The following CHD3 variants were observed in gnomAD, a reference collection of about 807,000 sequenced individuals.
CHD3 encodes chromodomain helicase DNA binding protein 3.
CHD3 carries 52 observed loss-of-function variants against 248.9 expected under a neutral mutation model. The observed-to-expected ratio is 0.21, with a 90% CI of 0.17 to 0.26. The LOEUF is 0.26. CHD3 is among the 10% of genes least tolerant of loss of function. The pLI, the probability that CHD3 is intolerant of heterozygous loss-of-function variation, is 1.00. For missense variants in CHD3, 1,482 were observed against 2,605.8 expected (o/e 0.57, Z 9.39); for synonymous variants, 985 against 985.2 (o/e 1.00, Z 0.00).
At position 7,889,772 on chromosome 17, in the gene CHD3, A is replaced by C. The variant is rs1567833092; in HGVS notation, c.209A>C (p.Lys70Thr). 1 of 1,609,504 alleles carries C rather than the reference A, an allele frequency of 6.2e-7. No homozygotes were observed. Among genetic ancestry groups the C allele is most frequent in the African/African-American group, 1.3e-5 (1 of 74,756 alleles). Residue 70 changes from lysine to threonine, a missense_variant, in exon 2 of 40, where the codon AAG (lysine) becomes ACG (threonine). Lys to Thr is a moderately conservative substitution (Grantham distance 78). Coordinates refer to ENST00000330494, the MANE Select transcript of CHD3 (RefSeq NM_001005273.3). This position sits in a 1 kb window ranked among gnomAD's most constrained non-coding sequence, Gnocchi z 4.5. Reference protein sequence around the residue: ...NKPGKPRKRKKRDSEEEFGSE... With the variant: ...NKPGKPRKRKTRDSEEEFGSE... ...CCAGGAAAACCCCGAAAACGCAAGA[A>C]GCGTGTAAGTGTCAAGAATTCCTAA...
Position 7,910,654 on chromosome 17 carries a change from C to G in CHD3, c.5754+63C>G, listed in dbSNP as rs1971537999. ...TGTGTTCCTCCTGCACACATACAAACACTTCCATCAGAATCCTATACAATA... is the reference window on the plus strand; with the variant it reads ...TGTGTTCCTCCTGCACACATACAAAGACTTCCATCAGAATCCTATACAATA... On this transcript the variant is annotated intron_variant, in intron 38 of 39. Coordinates refer to ENST00000330494, the MANE Select transcript of CHD3 (RefSeq NM_001005273.3). This position sits in a 1 kb window ranked among gnomAD's most constrained non-coding sequence, Gnocchi z 4.7. 1.3e-6 allele frequency: 2 copies of G among 1,555,398 alleles called. No individual in the cohort carries two copies. Among genetic ancestry groups the G allele is most frequent in the African/African-American group, 2.7e-5 (2 of 73,692 alleles).
chr17:7,903,069 C>T lies in CHD3; in HGVS notation c.3495+8C>T, dbSNP rs1320903510. The T allele has an allele frequency of 1.9e-6, 3 of 1,612,210 alleles. No homozygotes were observed. The South Asian group carries it at 3.3e-5, about 18-fold the overall frequency. ...CCCCATAATGACATCCAGGTGGGAA[C>T]TCGCATCCTAGAACCCCTGCACCAT... On this transcript the variant is annotated splice_region_variant and intron_variant, in intron 22 of 39. Coordinates refer to ENST00000330494, the MANE Select transcript of CHD3 (RefSeq NM_001005273.3). The surrounding 1 kb of genome is among the most constrained non-coding windows in gnomAD (Gnocchi z 6.8).
chr17:7,893,543 G>A lies in CHD3; in HGVS notation c.767G>A (p.Arg256Gln). 1 of 1,277,814 alleles carries A rather than the reference G, an allele frequency of 7.8e-7. No individual in the cohort carries two copies. The highest frequency in any genetic ancestry group is 1.0e-6 in the Non-Finnish European group (1 of 959,504). 79.2% of individuals were successfully genotyped at this position (1,277,814 alleles called of 1,614,324 possible). The change falls in exon 5 of 40, where the codon CGA (arginine) becomes CAA (glutamine). Residue 256 changes from arginine to glutamine, a missense_variant. Physicochemically the swap from Arg to Gln is conservative, Grantham distance 43. Transcript: ENST00000330494. ...PAADIQPPPI[R>Q]RAKTKEGKGP... The stretch of plus-strand genomic sequence containing the variant: ...GCTGATATCCAGCCCCCACCCATCC[G>A]AAGAGCCAAAACCAAAGAGGGCAAA...
intron 20 of CHD3, among the ~76,000 whole-genome samples, chr17:7,902,293 A>G (rs1310890841): frequency 6.6e-6 from 1 of 151,998 alleles, no homozygotes; most frequent in Non-Finnish European, 1.5e-5. Flanking sequence ...GTGGTGGCGC[A>G]CACCTGTAGT....
upstream of CHD3, chr17:7,885,346 A>G (rs537864700): frequency 7.9e-3 from 979 of 123,466 alleles, 9 homozygotes; most frequent in African/African-American, 0.024. Flanking sequence ...CGCCGCCGCC[A>G]CCCCGGCTGG....
At position 7,904,056 on chromosome 17, in the gene CHD3, C is replaced by A; in HGVS notation, c.3894+65C>A. 1.3e-6 allele frequency: 2 copies of A among 1,551,958 alleles called. No individual in the cohort carries two copies. The highest frequency in any genetic ancestry group is 1.8e-6 in the Non-Finnish European group (2 of 1,135,048). ...CATCTCCAAAAGGCAGTATCCTTTA[C>A]TCAGCCTTGAAGTAGGAGGGTCTGT... On this transcript the variant is annotated intron_variant, in intron 24 of 39. Coordinates refer to ENST00000330494, the MANE Select transcript of CHD3 (RefSeq NM_001005273.3). The surrounding 1 kb of genome is among the most constrained non-coding windows in gnomAD (Gnocchi z 4.4).
In CHD3 at chr17:7,911,379, C is replaced by G. The variant is rs1971637264; in HGVS notation, c.5882-85C>G. ...ACAACGGGAAGTGGCAGGAGGTGAC[C>G]TAGAAGTGAGAATTCACCATTGTCA... On this transcript the variant is annotated intron_variant, in intron 39 of 39. Transcript: ENST00000330494. The surrounding 1 kb of genome is among the most constrained non-coding windows in gnomAD (Gnocchi z 5.4). 1.2e-6 allele frequency: 2 copies of G among 1,603,808 alleles called. No individual in the cohort carries two copies. The highest frequency in any genetic ancestry group is 4.5e-5 in the East Asian group (2 of 44,796).
Position 7,906,985 on chromosome 17 carries a change from C to G in CHD3, c.4620C>G (p.Thr1540=), listed in dbSNP as rs1302600191. 1.2e-6 allele frequency: 2 copies of G among 1,614,192 alleles called. No homozygotes were observed. Among genetic ancestry groups the G allele is most frequent in the African/African-American group, 1.3e-5 (1 of 75,060 alleles). Residue 1540 remains threonine (T), a synonymous_variant, in exon 30 of 40, where the codon ACC becomes ACG. Coordinates refer to ENST00000330494, the MANE Select transcript of CHD3 (RefSeq NM_001005273.3). This position sits in a 1 kb window ranked among gnomAD's most constrained non-coding sequence, Gnocchi z 5.0. Reference sequence around the variant, plus strand: ...CCTCTCCTACCAAAACGTCTCCCACCACTCCTGAGGCTTCTGCTACCAACA... The same window carrying G: ...CCTCTCCTACCAAAACGTCTCCCACGACTCCTGAGGCTTCTGCTACCAACA... ...RASSPTKTSP[T]TPEASATNSP...
At chr17:7,890,530 G>A in intron 2 of CHD3, 41 bp from the exon 3 acceptor site, 1 of 1,393,344 alleles carries the variant, frequency 7.2e-7, no homozygotes, top group Non-Finnish European at 9.7e-7. Context: ...TTCTGGCAAT[G>A]GTAGGGATGA....
chr17:7,896,987 C>A, intron 10 of CHD3, 96 bp from the exon 11 acceptor site: 1 of 998,766 alleles, frequency 1.0e-6, no homozygotes, highest in Non-Finnish European at 1.5e-6. Flanking sequence ...AGCTCCCTTT[C>A]CCTGTCCCAT....
At position 7,910,654 on chromosome 17, in the gene CHD3, C is replaced by T; in HGVS notation, c.5754+63C>T. 4 of 1,555,398 alleles carry T rather than the reference C, an allele frequency of 2.6e-6. No individual in the cohort carries two copies. The highest frequency in any genetic ancestry group is 3.5e-6 in the Non-Finnish European group (4 of 1,150,492). On this transcript the variant is annotated intron_variant, in intron 38 of 39. Coordinates refer to ENST00000330494, the MANE Select transcript of CHD3 (RefSeq NM_001005273.3). The surrounding 1 kb of genome is among the most constrained non-coding windows in gnomAD (Gnocchi z 4.7). ...TGTGTTCCTCCTGCACACATACAAA[C>T]ACTTCCATCAGAATCCTATACAATA...
rs1209357693 is a variant in CHD3 at position 7,903,395 on chromosome 17, C to G, written c.3619C>G (p.Leu1207Val). Residue 1207 changes from leucine (L) to valine (V), a missense_variant, in exon 23 of 40, where the codon CTG becomes GTG. Physicochemically the swap from Leu to Val is conservative, Grantham distance 32. Transcript: ENST00000330494. This position sits in a 1 kb window ranked among gnomAD's most constrained non-coding sequence, Gnocchi z 6.8. ...CAAGAGAAAGATGATGCTGACACACCTGGTTGTGCGGCCTGGGCTGGGCTC... is the reference window on the plus strand; with the variant it reads ...CAAGAGAAAGATGATGCTGACACACGTGGTTGTGCGGCCTGGGCTGGGCTC... ...VAKRKMMLTH[L>V]VVRPGLGSKA... The G allele has an allele frequency of 6.2e-7, 1 of 1,614,208 alleles. No individual in the cohort carries two copies. Among genetic ancestry groups the G allele is most frequent in the Admixed American group, 1.7e-5 (1 of 60,020 alleles).
In CHD3 at chr17:7,910,288, TG is replaced by T; in HGVS notation, c.5591-138del. ...CTACTTCTTTTACTTTCTTGATCTC[TG>T]GTTCTTTGACATCTGTGTTCTCCTC... is the stretch of plus-strand genomic sequence containing the variant. On this transcript the variant is annotated intron_variant, in intron 37 of 39. Coordinates refer to ENST00000330494, the MANE Select transcript of CHD3 (RefSeq NM_001005273.3). This position sits in a 1 kb window ranked among gnomAD's most constrained non-coding sequence, Gnocchi z 4.7. The T allele has an allele frequency of 9.7e-7, 1 of 1,035,170 alleles. No homozygotes were observed. The highest frequency in any genetic ancestry group is 1.5e-6 in the Non-Finnish European group (1 of 669,102). 64.1% of individuals were successfully genotyped at this position (1,035,170 alleles called of 1,614,324 possible). A position where few individuals can be genotyped will look rare whatever the true frequency, so the allele number is the denominator to read the frequency against.
chr17:7,905,134 G>A lies in CHD3; in HGVS notation c.4107G>A (p.Glu1369=), dbSNP rs1314516420. 5 of 1,614,074 alleles carry A rather than the reference G, an allele frequency of 3.1e-6. No homozygotes were observed. The Admixed American group carries it at 8.3e-5, about 27-fold the overall frequency. ...NQSEYSVGSE[E]EDEDFDERPE... ...CAGAGTACTCGGTGGGTTCAGAGGA[G>A]GAGGATGAAGACTTCGATGAACGTC... Residue 1369 remains glutamate (E), a synonymous_variant, in exon 26 of 40, where the codon GAG becomes GAA. Transcript: ENST00000330494. The surrounding 1 kb of genome is among the most constrained non-coding windows in gnomAD (Gnocchi z 5.8).
At chr17:7,887,544 A>AC (rs780940251), upstream of CHD3, among the ~76,000 whole-genome samples, 112 of 150,906 alleles carry the variant, frequency 7.4e-4, no homozygotes, top group Admixed American at 1.1e-3. Context: ...ATACAAACCC[A>AC]CCCCCTGCCT....
chr17:7,905,804 A>C lies in CHD3; in HGVS notation c.4225-52A>C. 1 of 1,613,898 alleles carries C rather than the reference A, an allele frequency of 6.2e-7. No homozygotes were observed. Among genetic ancestry groups the C allele is most frequent in the Non-Finnish European group, 8.5e-7 (1 of 1,179,948 alleles). The stretch of plus-strand genomic sequence containing the variant: ...GATCACTGAAGGTAGAAAGGACAAG[A>C]CCTAAGAACCCTAGACATTTGTCGC... On this transcript the variant is annotated intron_variant, in intron 27 of 39. Transcript: ENST00000330494. This position sits in a 1 kb window ranked among gnomAD's most constrained non-coding sequence, Gnocchi z 5.8.
Position 7,904,943 on chromosome 17 carries a change from A to G in CHD3, c.4073-157A>G, listed in dbSNP as rs928337981. On this transcript the variant is annotated intron_variant, in intron 25 of 39. Coordinates refer to ENST00000330494, the MANE Select transcript of CHD3 (RefSeq NM_001005273.3). The surrounding 1 kb of genome is among the most constrained non-coding windows in gnomAD (Gnocchi z 4.4). ...GATGGTGTAGGATATGCGGCTCCCA[A>G]GTCAGACTTTGGGCAGTGATCTGGT... is the stretch of plus-strand genomic sequence containing the variant. Among the ~76,000 whole-genome samples, 1 of 152,202 alleles carries G rather than the reference A, an allele frequency of 6.6e-6. No homozygotes were observed. Among genetic ancestry groups the G allele is most frequent in the Non-Finnish European group, 1.5e-5 (1 of 68,036 alleles).
rs367915692 is a variant in CHD3, at chr17:7,906,104, C to T, written c.4358+115C>T. The T allele has an allele frequency of 4.3e-4, 625 of 1,437,188 alleles. No individual in the cohort carries two copies. The highest frequency in any genetic ancestry group is 5.9e-4 in the Admixed American group (35 of 59,706). The allele number at this position is 1,437,188 out of a possible 1,614,324, so 89.0% of individuals were successfully genotyped here. On this transcript the variant is annotated intron_variant, in intron 28 of 39. Coordinates refer to ENST00000330494, the MANE Select transcript of CHD3 (RefSeq NM_001005273.3). The surrounding 1 kb of genome is among the most constrained non-coding windows in gnomAD (Gnocchi z 5.0). Reference sequence around the variant, plus strand: ...CTTACTCAACTGATTATCACCCTCCCTGTCATACAATACTTCCTGGCTCGA... The same window carrying T: ...CTTACTCAACTGATTATCACCCTCCTTGTCATACAATACTTCCTGGCTCGA...
At position 7,905,235 on chromosome 17, in the gene CHD3, G is replaced by A. The variant is rs991088476; in HGVS notation, c.4138+70G>A. ...TTTTCCAGTTTGCTTTAAGCCCACT[G>A]TTTTTATACAAGTAAAAAAGTCTTC... is the stretch of plus-strand genomic sequence containing the variant. On this transcript the variant is annotated intron_variant, in intron 26 of 39. Transcript: ENST00000330494. This position sits in a 1 kb window ranked among gnomAD's most constrained non-coding sequence, Gnocchi z 5.8. 4 of 1,425,540 alleles carry A rather than the reference G, an allele frequency of 2.8e-6. No individual in the cohort carries two copies. The highest frequency in any genetic ancestry group is 4.0e-6 in the Non-Finnish European group (4 of 1,009,038). 88.3% of individuals were successfully genotyped at this position (1,425,540 alleles called of 1,614,324 possible). A position where few individuals can be genotyped will look rare whatever the true frequency, so the allele number is the denominator to read the frequency against.
Sources: allele counts gnomAD v4.1 joint callset (sites outside exome capture counted in the v4.1 genomes callset), GRCh38; gene constraint gnomAD v4.1.1; non-coding constraint Gnocchi (gnomAD v3.1); transcripts MANE v1.5; gene names NCBI Gene and HGNC (gene_info 2026-07-23, HGNC 2026-07-21).